The following COL25A1 variants were observed in gnomAD, a reference collection of about 807,000 sequenced individuals.
COL25A1 encodes collagen type XXV alpha 1 chain, also known as collagen alpha-1(XXV) chain.
Under a neutral mutation model 128.4 loss-of-function variants are expected in COL25A1, and 103 were observed. The ratio of observed to expected loss-of-function variants is 0.80; its 90% CI spans 0.68 to 0.94. The LOEUF (loss-of-function observed/expected upper bound fraction) is 0.94, where lower values mean the gene tolerates loss of function less well. Among genes scored for constraint, COL25A1 ranks in the 40% least tolerant of loss-of-function variants. The pLI is 0.00. For synonymous variants in COL25A1, 279 were observed against 277.2 expected (o/e 1.01, Z -0.06); for missense variants, 745 against 840.0 (o/e 0.89, Z 1.40).
At chr4:109,024,224 T>G (rs1190258095) in intron 5 of COL25A1, among the ~76,000 whole-genome samples, 1 of 150,858 alleles carries the variant, frequency 6.6e-6, no homozygotes, top group Non-Finnish European at 1.5e-5. Flanking sequence ...CATTTTCTAC[T>G]TACAACATTT....
chr4:108,835,935 G>C (rs1216189479), intron 31 of COL25A1, among the ~76,000 whole-genome samples: 1 of 115,868 alleles, frequency 8.6e-6, no homozygotes, highest in African/African-American at 3.4e-5. Context: ...GCAGTGGCGC[G>C]ATCTCAGTTC....
intron 3 of COL25A1, among the ~76,000 whole-genome samples, chr4:109,156,839 A>G (rs1020284624): frequency 3.3e-5 from 5 of 152,234 alleles, no homozygotes; most frequent in Non-Finnish European, 5.9e-5. Context: ...TTGCAAATGT[A>G]CTTTTCTCTG....
intron 8 of COL25A1, among the ~76,000 whole-genome samples, chr4:108,964,939 C>T (rs1751125144): frequency 6.6e-6 from 1 of 152,078 alleles, no homozygotes; most frequent in African/African-American, 2.4e-5. Context: ...ATTCCCTTTT[C>T]TCAGGCAATA....
At chr4:109,113,823 A>G (rs953390482) in intron 3 of COL25A1, among the ~76,000 whole-genome samples, 9 of 152,160 alleles carry the variant, frequency 5.9e-5, no homozygotes, top group Admixed American at 2.6e-4. Context: ...TAAATAACAG[A>G]TAGACTTAGA....
chr4:108,976,038 C>T (rs372346540), intron 6 of COL25A1, among the ~76,000 whole-genome samples: 12 of 152,178 alleles, frequency 7.9e-5, no homozygotes, highest in African/African-American at 2.9e-4. Context: ...TGATGAACAC[C>T]TCTGAGTTCT....
intron 3 of COL25A1, among the ~76,000 whole-genome samples, chr4:109,220,358 A>G (rs192832996): frequency 6.6e-6 from 1 of 152,210 alleles, no homozygotes; most frequent in Non-Finnish European, 1.5e-5. Flanking sequence ...GTTTATCTCA[A>G]CTGATAAGAT....
intron 31 of COL25A1, 180 bp from the exon 32 acceptor site, chr4:108,832,613 AG>A: frequency 7.1e-6 from 4 of 560,192 alleles, no homozygotes; most frequent in Middle Eastern, 4.3e-4. Flanking sequence ...TCATGCAAAA[AG>A]GATGAAGTAT....
In COL25A1 at chr4:108,813,755, C is replaced by T. The variant is rs886914156; in HGVS notation, c.*172G>A. On this transcript the variant is annotated 3_prime_UTR_variant, in exon 38 of 38. Transcript: ENST00000399132. ...ATTCTCACTGGTTTCACAAATTGCC[C>T]AATTTCAGATGTAAGTGGAGTAAAA... 8 of 555,426 alleles carry T rather than the reference C, an allele frequency of 1.4e-5. No homozygotes were observed. The Admixed American group carries it at 1.7e-4, about 12-fold the overall frequency. The allele number at this position is 555,426 out of a possible 1,614,324, so 34.4% of individuals were successfully genotyped here. A position where few individuals can be genotyped will look rare whatever the true frequency, so the allele number is the denominator to read the frequency against.
chr4:108,842,409 C>CT (rs1310496187), intron 30 of COL25A1, among the ~76,000 whole-genome samples: 1 of 152,080 alleles, frequency 6.6e-6, no homozygotes, highest in Non-Finnish European at 1.5e-5. Flanking sequence ...AAAACACATA[C>CT]TTTGTAGAAA....
chr4:108,826,348 G>A (rs1015427040), intron 33 of COL25A1, among the ~76,000 whole-genome samples: 5 of 152,196 alleles, frequency 3.3e-5, no homozygotes, highest in African/African-American at 1.2e-4. Flanking sequence ...GACCAGCGTG[G>A]CCAACATAGT....
chr4:109,010,219 G>A (rs1387935000), intron 6 of COL25A1, 139 bp downstream of exon 6: 3 of 694,436 alleles, frequency 4.3e-6, no homozygotes, highest in Non-Finnish European at 7.2e-6. Context: ...GTTTACTCCT[G>A]GGAAATATTT....
chr4:109,170,720 G>C (rs545318762), intron 3 of COL25A1, among the ~76,000 whole-genome samples: 33 of 152,226 alleles, frequency 2.2e-4, no homozygotes, highest in African/African-American at 7.7e-4. Context: ...ATAACACATA[G>C]TGGTATATTT....
At chr4:109,016,218 C>T (rs1007112802) in intron 5 of COL25A1, among the ~76,000 whole-genome samples, 23 of 152,258 alleles carry the variant, frequency 1.5e-4, no homozygotes, top group East Asian at 1.9e-4. Context: ...CGAGCCCAGA[C>T]ACTCACAACC....
chr4:109,249,186 T>G (rs1436352129), intron 3 of COL25A1, among the ~76,000 whole-genome samples: 1 of 152,306 alleles, frequency 6.6e-6, no homozygotes, highest in Middle Eastern at 3.4e-3. Context: ...GTAATGACTC[T>G]TCTCTAAATT....
rs149054826 is a variant in COL25A1, at chr4:108,827,242, C to T, written c.1711-54G>A. 161 of 1,424,592 alleles carry T rather than the reference C, an allele frequency of 1.1e-4. No individual in the cohort carries two copies. In the African/African-American group the frequency reaches 1.9e-3, roughly 17 times the overall value. The allele number at this position is 1,424,592 out of a possible 1,614,324, so 88.2% of individuals were successfully genotyped here. ...ATACACACCCACCTACATTCACACA[C>T]TTTCTCTCATGCCCTATGTCTAAAG... is the stretch of plus-strand genomic sequence containing the variant. On this transcript the variant is annotated intron_variant, in intron 32 of 37. Coordinates refer to ENST00000399132, the MANE Select transcript of COL25A1 (RefSeq NM_198721.4).
chr4:108,980,698 T>C (rs2125996108), intron 6 of COL25A1, among the ~76,000 whole-genome samples: 1 of 152,322 alleles, frequency 6.6e-6, no homozygotes, highest in African/African-American at 2.4e-5. Context: ...GAGGAAACCT[T>C]TATCACATTT....
chr4:108,903,815 C>T (rs1743139559), intron 13 of COL25A1, among the ~76,000 whole-genome samples: 1 of 152,012 alleles, frequency 6.6e-6, no homozygotes, highest in Non-Finnish European at 1.5e-5. Context: ...TTGAATATCA[C>T]AATTTTAATT....
chr4:109,276,439 T>G (rs147243545), intron 3 of COL25A1, among the ~76,000 whole-genome samples: 47 of 152,154 alleles, frequency 3.1e-4, no homozygotes, highest in African/African-American at 1.1e-3. Flanking sequence ...ATTGTCTTAT[T>G]TTTTACACAT....
intron 3 of COL25A1, among the ~76,000 whole-genome samples, chr4:109,219,384 G>C (rs995494701): frequency 3.9e-5 from 6 of 151,974 alleles, no homozygotes; most frequent in Non-Finnish European, 5.9e-5. Context: ...CAGTCACACA[G>C]AGAATGAGTT....
Sources: allele counts gnomAD v4.1 joint callset (sites outside exome capture counted in the v4.1 genomes callset), GRCh38; gene constraint gnomAD v4.1.1; transcripts MANE v1.5; gene names NCBI Gene and HGNC (gene_info 2026-07-23, HGNC 2026-07-21).